Variants in NCKAP5 observed in about 807,000 individuals in gnomAD.
The protein encoded by NCKAP5 is nck-associated protein 5.
Under a neutral mutation model 167.0 loss-of-function variants are expected in NCKAP5, and 92 were observed. That is an observed-to-expected ratio of 0.55 (90% CI 0.47 to 0.66). The LOEUF is 0.66. NCKAP5 is among the 30% of genes least tolerant of loss of function. The pLI, the probability that NCKAP5 is intolerant of heterozygous loss-of-function variation, is 0.00. For missense variants in NCKAP5, 2,378 were observed against 2,315.0 expected, an observed-to-expected ratio of 1.03 and a Z score of -0.56; for synonymous variants, 891 against 877.4, an observed-to-expected ratio of 1.02 and a Z score of -0.27.
chr2:132,952,486 T>A (rs1324127120), intron 8 of NCKAP5, among the ~76,000 whole-genome samples: 2 of 152,196 alleles, frequency 1.3e-5, no homozygotes, highest in Non-Finnish European at 2.9e-5. Flanking sequence ...ACACTAAGAA[T>A]GTTTTTTTCT....
upstream of NCKAP5, among the ~76,000 whole-genome samples, chr2:133,572,753 G>A (rs1688913276): frequency 1.3e-5 from 2 of 152,184 alleles, no homozygotes; most frequent in Admixed American, 1.3e-4. Flanking sequence ...AGAAAGGGCA[G>A]CATAGGAACA....
intron 6 of NCKAP5, among the ~76,000 whole-genome samples, chr2:133,091,662 C>A (rs56895594): frequency 0.021 from 3,144 of 152,186 alleles, 101 homozygotes; most frequent in African/African-American, 0.072. Flanking sequence ...CCGAGGTGGG[C>A]AGACCACGAG....
At chr2:133,325,626 C>A (rs1341814959) in intron 3 of NCKAP5, among the ~76,000 whole-genome samples, 2 of 152,108 alleles carry the variant, frequency 1.3e-5, no homozygotes, top group Non-Finnish European at 2.9e-5. Context: ...TACATCAAGC[C>A]CCCTTCCTTG....
chr2:133,463,540 T>C (rs572456048), intron 3 of NCKAP5, among the ~76,000 whole-genome samples: 9 of 152,326 alleles, frequency 5.9e-5, no homozygotes, highest in African/African-American at 2.2e-4. Context: ...ATGTAATCAT[T>C]GAAGGCATGA....
the NCKAP5 span, among the ~76,000 whole-genome samples, chr2:133,672,455 GCAA>G: frequency 6.6e-6 from 1 of 152,200 alleles, no homozygotes; most frequent in Non-Finnish European, 1.5e-5. Context: ...TAACATTCAT[GCAA>G]CATTTCTATT....
chr2:132,783,390 C>A lies in NCKAP5; in HGVS notation c.3421G>T (p.Gly1141Ter). 1 of 1,602,338 alleles carries A rather than the reference C, an allele frequency of 6.2e-7. No homozygotes were observed. Among genetic ancestry groups the A allele is most frequent in the Non-Finnish European group, 8.5e-7 (1 of 1,174,698 alleles). ...PHGCQSAHEK[G>*]LKTRLPVGLK... ...CCCACTGGAAGGCGAGTTTTCAGTC[C>A]TTTCTCATGAGCACTTTGACAACCA... The change falls in exon 14 of 20, where the codon GGA (glycine) becomes TGA (stop). Residue 1141 changes from glycine to a stop codon, truncating the protein, a stop_gained. Coordinates refer to ENST00000409261, the MANE Select transcript of NCKAP5 (RefSeq NM_207363.3). LOFTEE classifies it high-confidence loss of function.
At chr2:133,657,910 G>A in the NCKAP5 span, among the ~76,000 whole-genome samples, 1 of 152,052 alleles carries the variant, frequency 6.6e-6, no homozygotes, top group Non-Finnish European at 1.5e-5. Context: ...GAACCCTGAT[G>A]GTAAACAAGG....
chr2:133,494,191 A>G (rs565886900), intron 3 of NCKAP5, among the ~76,000 whole-genome samples: 2 of 152,302 alleles, frequency 1.3e-5, no homozygotes, highest in Non-Finnish European at 2.9e-5. Flanking sequence ...AATTTGAGAC[A>G]GACCCTTCAT....
the NCKAP5 span, among the ~76,000 whole-genome samples, chr2:133,605,715 T>G: frequency 6.6e-6 from 1 of 152,238 alleles, no homozygotes; most frequent in Non-Finnish European, 1.5e-5. Flanking sequence ...TTGCTTTTGT[T>G]GATTTGATTT....
the NCKAP5 span, among the ~76,000 whole-genome samples, chr2:133,621,075 G>A: frequency 6.6e-6 from 1 of 152,022 alleles, no homozygotes; most frequent in Non-Finnish European, 1.5e-5. Flanking sequence ...TGAATTGAAC[G>A]ATAATAGTGA....
chr2:133,167,710 A>G (rs2084057976), intron 5 of NCKAP5, among the ~76,000 whole-genome samples: 1 of 152,208 alleles, frequency 6.6e-6, no homozygotes, highest in East Asian at 1.9e-4. Context: ...TGAACTAGCC[A>G]TGTCACCTTA....
chr2:133,260,883 G>A (rs766163508), intron 4 of NCKAP5, among the ~76,000 whole-genome samples: 38 of 152,068 alleles, frequency 2.5e-4, no homozygotes, highest in Non-Finnish European at 4.9e-4. Flanking sequence ...TACTTACAAT[G>A]CCATGCTTAA....
At chr2:133,587,093 A>G in the NCKAP5 span, among the ~76,000 whole-genome samples, 2 of 152,290 alleles carry the variant, frequency 1.3e-5, no homozygotes, top group East Asian at 3.9e-4. Flanking sequence ...AGGCTACCTG[A>G]CGTCCTCACC....
chr2:133,375,317 G>A (rs1196078367), intron 3 of NCKAP5, among the ~76,000 whole-genome samples: 1 of 152,202 alleles, frequency 6.6e-6, no homozygotes, highest in African/African-American at 2.4e-5. Flanking sequence ...AGGAAACAAT[G>A]TGGGTTAGAG....
intron 3 of NCKAP5, among the ~76,000 whole-genome samples, chr2:133,406,703 G>A (rs1020259506): frequency 1.3e-5 from 2 of 152,144 alleles, no homozygotes; most frequent in Admixed American, 6.5e-5. Context: ...ATCTGTCTGG[G>A]GTAGGAATGC....
intron 3 of NCKAP5, among the ~76,000 whole-genome samples, chr2:133,319,030 A>T (rs1681826113): frequency 6.6e-6 from 1 of 152,000 alleles, no homozygotes; most frequent in Admixed American, 6.5e-5. Context: ...GGGCCCAACA[A>T]TGTATGGTTT....
At chr2:132,863,037 G>A (rs1409664397) in intron 10 of NCKAP5, among the ~76,000 whole-genome samples, 2 of 152,024 alleles carry the variant, frequency 1.3e-5, no homozygotes, top group African/African-American at 4.8e-5. Context: ...GGCCAGGCTG[G>A]TCTCGAACTC....
intron 6 of NCKAP5, among the ~76,000 whole-genome samples, chr2:133,082,998 G>A (rs912317854): frequency 2.0e-5 from 3 of 152,132 alleles, no homozygotes; most frequent in Non-Finnish European, 2.9e-5. Context: ...TGAGAATCAG[G>A]AGAGATGCCA....
chr2:133,326,159 A>G (rs892363027), intron 3 of NCKAP5, among the ~76,000 whole-genome samples: 3 of 152,252 alleles, frequency 2.0e-5, no homozygotes, highest in Admixed American at 2.0e-4. Context: ...GATATCCTTG[A>G]TTGAAAAACT....
Sources: allele counts gnomAD v4.1 joint callset (sites outside exome capture counted in the v4.1 genomes callset), GRCh38; gene constraint gnomAD v4.1.1; transcripts MANE v1.5; gene names NCBI Gene and HGNC (gene_info 2026-07-23, HGNC 2026-07-21).